Variants in ZHX3 observed in about 807,000 individuals in gnomAD.
ZHX3 encodes the protein zinc fingers and homeoboxes 3.
ZHX3 carries 20 observed loss-of-function variants against 64.5 expected under a neutral mutation model. The observed-to-expected ratio is 0.31, with a 90% CI of 0.22 to 0.45. The LOEUF is 0.45. Ranked by LOEUF, ZHX3 falls within the 20% of genes least tolerant of loss-of-function variation. The pLI is 1.00. For synonymous variants in ZHX3, 423 were observed against 461.6 expected (o/e 0.92, Z 1.07); for missense variants, 1,041 against 1,195.8 (o/e 0.87, Z 1.91).
chr20:41,282,844 T>C (rs117064755), intron 1 of ZHX3, among the ~76,000 whole-genome samples: 1,573 of 152,330 alleles, frequency 0.01, 12 homozygotes, highest in Middle Eastern at 0.017. Flanking sequence ...TAGAGACTGG[T>C]ACACGTAATA....
intron 2 of ZHX3, among the ~76,000 whole-genome samples, chr20:41,220,885 C>T (rs1350083585): frequency 6.6e-6 from 1 of 151,610 alleles, no homozygotes; most frequent in Non-Finnish European, 1.5e-5. Context: ...GATGAGGTTT[C>T]GCCATGTTGC....
intron 2 of ZHX3, among the ~76,000 whole-genome samples, chr20:41,259,574 C>T (rs760163102): frequency 4.6e-5 from 7 of 152,074 alleles, no homozygotes; most frequent in African/African-American, 1.7e-4. Flanking sequence ...GAAAGACTCC[C>T]ATGATATACT....
In ZHX3 at chr20:41,274,773, T is replaced by C. The variant is rs375501754; in HGVS notation, c.-244-5690A>G. 3.5e-4 allele frequency among the ~76,000 whole-genome samples: 54 copies of C among 152,340 alleles called. 1 individual carries two copies. In the East Asian group the frequency reaches 4.8e-3, roughly 14 times the overall value. On this transcript the variant is annotated intron_variant, in intron 1 of 3. Coordinates refer to ENST00000683867, the MANE Select transcript of ZHX3 (RefSeq NM_001384317.1). ...AGTAGTGATGTTTGGTGTCAACTTT[T>C]CAAAGTTTCAGTTTGCACCTCCTGT...
intron 1 of ZHX3, chr20:41,269,305 T>C (rs925829081): frequency 3.3e-5 from 5 of 152,218 alleles, no homozygotes; most frequent in Non-Finnish European, 7.3e-5. Flanking sequence ...TGGTCTCTGA[T>C]AACAGATCAG....
rs1397567545 is a variant in ZHX3, at chr20:41,228,633, T to C, written c.-150-23567A>G. ...CTCTTTTATAAGGCCACTAGTTCCA[T>C]TCATGAGAGCTCTATCCCAGTGACC... is the stretch of plus-strand genomic sequence containing the variant. On this transcript the variant is annotated intron_variant, in intron 2 of 3. Transcript: ENST00000683867. This position sits in a 1 kb window ranked among gnomAD's most constrained non-coding sequence, Gnocchi z 4.6. Among the ~76,000 whole-genome samples the C allele has an allele frequency of 2.0e-5, 3 of 152,108 alleles. No individual in the cohort carries two copies. The highest frequency in any genetic ancestry group is 1.5e-5 in the Non-Finnish European group (1 of 68,024).
At chr20:41,317,309 T>TG (rs2045316290) in intron 1 of ZHX3, 200 bp downstream of exon 1, 1 of 151,634 alleles carries the variant, frequency 6.6e-6, no homozygotes. Context: ...CCTCTCAGCA[T>TG]GGGGGTGCTG....
intron 2 of ZHX3, among the ~76,000 whole-genome samples, chr20:41,258,962 T>G (rs1200417521): frequency 1.3e-5 from 2 of 152,210 alleles, no homozygotes; most frequent in Non-Finnish European, 2.9e-5. Context: ...TGATTACTTT[T>G]GTTTGTTCAG....
intron 3 of ZHX3, among the ~76,000 whole-genome samples, chr20:41,191,740 T>A (rs999020394): frequency 6.6e-6 from 1 of 152,122 alleles, no homozygotes; most frequent in East Asian, 1.9e-4. Flanking sequence ...AGTAGTGTAG[T>A]CTCTGTATGA....
At position 41,199,847 on chromosome 20, in the gene ZHX3, C is replaced by T. The variant is rs180768454; in HGVS notation, c.2860+2210G>A. Among the ~76,000 whole-genome samples the T allele has an allele frequency of 2.1e-4, 32 of 152,130 alleles. No homozygotes were observed. In the East Asian group the frequency reaches 5.4e-3, roughly 26 times the overall value. ...TCCCAAATAGCTGGGATTACAGGCA[C>T]TCACCAACATGCCTGGCTAATTTTT... On this transcript the variant is annotated intron_variant, in intron 3 of 3. Coordinates refer to ENST00000683867, the MANE Select transcript of ZHX3 (RefSeq NM_001384317.1).
chr20:41,316,177 T>G (rs2045283534), intron 1 of ZHX3, among the ~76,000 whole-genome samples: 1 of 152,170 alleles, frequency 6.6e-6, no homozygotes, highest in African/African-American at 2.4e-5. Flanking sequence ...GTTAATATGT[T>G]GATCATTACA....
chr20:41,229,574 C>CT (rs931043092), intron 2 of ZHX3, among the ~76,000 whole-genome samples: 5 of 151,418 alleles, frequency 3.3e-5, no homozygotes, highest in Non-Finnish European at 7.4e-5. Flanking sequence ...CTGTTATTTT[C>CT]TTTTTTTTTC....
In ZHX3 at chr20:41,184,799, G is replaced by A. The variant is rs2146096451; in HGVS notation, c.*392C>T. On this transcript the variant is annotated 3_prime_UTR_variant, in exon 4 of 4. Coordinates refer to ENST00000683867, the MANE Select transcript of ZHX3 (RefSeq NM_001384317.1). ...GACGTAACTGACAATGCACTGCTTGGCTAACCAAAGTTTCTACGTAATGAC... is the reference window on the plus strand; with the variant it reads ...GACGTAACTGACAATGCACTGCTTGACTAACCAAAGTTTCTACGTAATGAC... 5.5e-6 allele frequency: 7 copies of A among 1,270,466 alleles called. No homozygotes were observed. The South Asian group carries it at 1.1e-4, about 20-fold the overall frequency. The allele number at this position is 1,270,466 out of a possible 1,614,324, so 78.7% of individuals were successfully genotyped here. A position where few individuals can be genotyped will look rare whatever the true frequency, so the allele number is the denominator to read the frequency against.
Position 41,185,451 on chromosome 20 carries a change from T to C in ZHX3, c.2861-250A>G. 1.7e-6 allele frequency: 1 copy of C among 581,942 alleles called. No individual in the cohort carries two copies. The highest frequency in any genetic ancestry group is 1.9e-5 in the African/African-American group (1 of 53,654). 36.0% of individuals were successfully genotyped at this position (581,942 alleles called of 1,614,324 possible). The stretch of plus-strand genomic sequence containing the variant: ...GAGAGACCCTGCTAAACCCTAGGCC[T>C]AGCAGCAGGAGCAGTGGTTTGGCCT... On this transcript the variant is annotated intron_variant, in intron 3 of 3. Coordinates refer to ENST00000683867, the MANE Select transcript of ZHX3 (RefSeq NM_001384317.1). This position sits in a 1 kb window ranked among gnomAD's most constrained non-coding sequence, Gnocchi z 5.0.
chr20:41,239,380 G>A (rs2041235162), intron 2 of ZHX3, among the ~76,000 whole-genome samples: 1 of 152,140 alleles, frequency 6.6e-6, no homozygotes. Flanking sequence ...GTGACAGCAA[G>A]GTAACTCCAG....
intron 2 of ZHX3, among the ~76,000 whole-genome samples, chr20:41,220,395 G>C (rs975537864): frequency 2.0e-5 from 3 of 152,218 alleles, no homozygotes; most frequent in African/African-American, 7.2e-5. Context: ...TTTTGCTATT[G>C]TACAAATCTG....
At chr20:41,286,515 T>A (rs1427301937) in intron 1 of ZHX3, among the ~76,000 whole-genome samples, 1 of 152,216 alleles carries the variant, frequency 6.6e-6, no homozygotes, top group Non-Finnish European at 1.5e-5. Context: ...TCCTTGTAAT[T>A]CTTATATGAG....
intron 2 of ZHX3, among the ~76,000 whole-genome samples, chr20:41,227,676 T>G (rs1458218631): frequency 6.6e-6 from 1 of 152,244 alleles, no homozygotes; most frequent in Non-Finnish European, 1.5e-5. Context: ...ATCTAAGAAC[T>G]GATGTAATGT....
Position 41,203,641 on chromosome 20 carries a change from G to T in ZHX3, c.1276C>A (p.Leu426Met). ...TTGGCCATCAATGGCTGAGTGACCA[G>T]AAGTCCCCCTCCTGTACCCTCTGGC... Reference protein sequence around the residue: ...GQPEGTGGGLLVTQPLMANGL... With the variant: ...GQPEGTGGGLMVTQPLMANGL... The change falls in exon 3 of 4, where the codon CTG (leucine) becomes ATG (methionine). Residue 426 changes from leucine (L) to methionine (M), a missense_variant. Transcript: ENST00000683867. This position sits in a 1 kb window ranked among gnomAD's most constrained non-coding sequence, Gnocchi z 7.1. 2 of 1,614,236 alleles carry T rather than the reference G, an allele frequency of 1.2e-6. No individual in the cohort carries two copies. The highest frequency in any genetic ancestry group is 1.7e-6 in the Non-Finnish European group (2 of 1,180,038).
chr20:41,205,916 T>C (rs2038672927), intron 2 of ZHX3, among the ~76,000 whole-genome samples: 1 of 152,150 alleles, frequency 6.6e-6, no homozygotes, highest in African/African-American at 2.4e-5. Context: ...GACTGACACC[T>C]CATACAGCTG....
Sources: allele counts gnomAD v4.1 joint callset (sites outside exome capture counted in the v4.1 genomes callset), GRCh38; gene constraint gnomAD v4.1.1; non-coding constraint Gnocchi (gnomAD v3.1); transcripts MANE v1.5; gene names NCBI Gene and HGNC (gene_info 2026-07-23, HGNC 2026-07-21).